CNTNAP4: variants seen among roughly 807,000 people sequenced by gnomAD.
CNTNAP4 encodes contactin associated protein family member 4, also known as contactin-associated protein-like 4.
CNTNAP4 carries 98 observed loss-of-function variants against 148.4 expected under a neutral mutation model. That is an observed-to-expected ratio of 0.66 (90% CI 0.56 to 0.78). The LOEUF (loss-of-function observed/expected upper bound fraction) is 0.78. Ranked by LOEUF, CNTNAP4 falls within the 30% of genes least tolerant of loss-of-function variation. The pLI is 0.00. For synonymous variants in CNTNAP4, 730 were observed against 565.1 expected, an observed-to-expected ratio of 1.29 and a Z score of -4.14; for missense variants, 1,935 against 1,565.6, an observed-to-expected ratio of 1.24 and a Z score of -3.98.
intron 1 of CNTNAP4, 54 bp downstream of exon 1, chr16:76,277,801 T>C (rs1307778381): frequency 9.2e-7 from 1 of 1,084,354 alleles, no homozygotes; most frequent in African/African-American, 1.6e-5. Flanking sequence ...TGCAAAACTT[T>C]GATTCTGTTG....
Position 76,495,064 on chromosome 16 carries a change from A to T in CNTNAP4, c.2235A>T (p.Glu745Asp). The change falls in exon 14 of 24, where the codon GAA becomes GAT. Residue 745 changes from glutamate (E) to aspartate (D), a missense_variant and splice_region_variant. Coordinates refer to ENST00000611870, the MANE Select transcript of CNTNAP4 (RefSeq NM_033401.5). ...GCAATTGTGATGCTGACCGGAATGAATGGTGATTTCCATATGATTTCTTTA... is the reference window on the plus strand; with the variant it reads ...GCAATTGTGATGCTGACCGGAATGATTGGTGATTTCCATATGATTTCTTTA... The part of the protein sequence containing the change: ...YYCNCDADRN[E>D]WTNDTGLLAY... 1 of 1,612,982 alleles carries T rather than the reference A, an allele frequency of 6.2e-7. No homozygotes were observed. The highest frequency in any genetic ancestry group is 8.5e-7 in the Non-Finnish European group (1 of 1,179,198).
chr16:76,342,412 G>T (rs1042661222), intron 2 of CNTNAP4, among the ~76,000 whole-genome samples: 2 of 147,990 alleles, frequency 1.4e-5, no homozygotes, highest in Admixed American at 6.7e-5. Context: ...TGTCTATTGA[G>T]TTTGGCTGAC....
At chr16:76,537,654 A>C (rs1229925598) in intron 18 of CNTNAP4, among the ~76,000 whole-genome samples, 1 of 152,144 alleles carries the variant, frequency 6.6e-6, no homozygotes, top group Non-Finnish European at 1.5e-5. Context: ...GACATAAAGG[A>C]AAATTTCTGC....
chr16:76,365,196 G>A (rs1037848434), intron 3 of CNTNAP4, among the ~76,000 whole-genome samples: 11 of 152,046 alleles, frequency 7.2e-5, no homozygotes, highest in East Asian at 5.8e-4. Flanking sequence ...GATGTGTGGC[G>A]TTATTTCTGA....
intron 2 of CNTNAP4, among the ~76,000 whole-genome samples, chr16:76,331,502 A>T (rs950162110): frequency 6.7e-6 from 1 of 148,388 alleles, no homozygotes. Context: ...TTTTCTTTCA[A>T]GTTTTTTTTT....
At chr16:76,448,549 C>T (rs1430096502) in intron 5 of CNTNAP4, among the ~76,000 whole-genome samples, 2 of 151,880 alleles carry the variant, frequency 1.3e-5, no homozygotes, top group Admixed American at 6.6e-5. Flanking sequence ...AGCGTGCAAT[C>T]AGTAATAATG....
At chr16:76,504,723 G>T (rs564818201) in intron 15 of CNTNAP4, among the ~76,000 whole-genome samples, 1 of 152,108 alleles carries the variant, frequency 6.6e-6, no homozygotes, top group East Asian at 1.9e-4. Context: ...GTTTTATAGA[G>T]GCTAATACCC....
intron 1 of CNTNAP4, among the ~76,000 whole-genome samples, chr16:76,280,999 A>G (rs1958665755): frequency 6.6e-6 from 1 of 152,082 alleles, no homozygotes; most frequent in Non-Finnish European, 1.5e-5. Flanking sequence ...AGAATAATTA[A>G]TGCTCCCCAA....
At chr16:76,335,407 C>T (rs997354050) in intron 2 of CNTNAP4, among the ~76,000 whole-genome samples, 5 of 152,116 alleles carry the variant, frequency 3.3e-5, no homozygotes, top group African/African-American at 1.2e-4. Flanking sequence ...GAACAAAGCT[C>T]ATTGTTCCCT....
At chr16:76,359,534 C>G (rs572436129) in intron 3 of CNTNAP4, among the ~76,000 whole-genome samples, 12 of 152,022 alleles carry the variant, frequency 7.9e-5, no homozygotes, top group Non-Finnish European at 2.9e-5. Context: ...CAAATAATCC[C>G]TAAGAGGAAA....
At chr16:76,374,518 G>A (rs1177590231) in intron 3 of CNTNAP4, among the ~76,000 whole-genome samples, 1 of 151,968 alleles carries the variant, frequency 6.6e-6, no homozygotes, top group Non-Finnish European at 1.5e-5. Flanking sequence ...AACTCTTTAT[G>A]TGAACAATGA....
intron 2 of CNTNAP4, among the ~76,000 whole-genome samples, chr16:76,346,819 C>A (rs1473428160): frequency 1.3e-5 from 2 of 152,210 alleles, no homozygotes; most frequent in East Asian, 3.9e-4. Flanking sequence ...ATCAAAATGC[C>A]TGCATAGATA....
chr16:76,490,761 G>A (rs561348134), intron 13 of CNTNAP4, among the ~76,000 whole-genome samples: 28 of 152,198 alleles, frequency 1.8e-4, no homozygotes, highest in African/African-American at 2.2e-4. Context: ...CTGGAATTGC[G>A]TATTCTGTGT....
chr16:76,444,610 C>T (rs938484504), intron 4 of CNTNAP4, among the ~76,000 whole-genome samples: 1 of 151,878 alleles, frequency 6.6e-6, no homozygotes, highest in African/African-American at 2.4e-5. Context: ...AACTTTATGC[C>T]ACATAACTCA....
chr16:76,428,467 T>G (rs2079494683), intron 4 of CNTNAP4, among the ~76,000 whole-genome samples: 1 of 152,104 alleles, frequency 6.6e-6, no homozygotes, highest in Non-Finnish European at 1.5e-5. Flanking sequence ...ACTAAAGCTT[T>G]TTTCATACAT....
intron 15 of CNTNAP4, among the ~76,000 whole-genome samples, chr16:76,514,860 T>C (rs2083185279): frequency 6.6e-6 from 1 of 152,202 alleles, no homozygotes; most frequent in Non-Finnish European, 1.5e-5. Context: ...TTAAAATCTA[T>C]ATTTTTCAGC....
chr16:76,530,262 A>G (rs889361067), intron 17 of CNTNAP4, among the ~76,000 whole-genome samples: 15 of 152,136 alleles, frequency 9.9e-5, no homozygotes. Context: ...ATGGGAAGAG[A>G]ATATCAAGCA....
chr16:76,407,635 A>C (rs551000444), intron 3 of CNTNAP4, among the ~76,000 whole-genome samples: 1 of 152,224 alleles, frequency 6.6e-6, no homozygotes, highest in East Asian at 1.9e-4. Context: ...GAATTGCTGC[A>C]ATCTTATAAT....
At chr16:76,383,905 ACTT>A (rs1205017060) in intron 3 of CNTNAP4, among the ~76,000 whole-genome samples, 1 of 152,148 alleles carries the variant, frequency 6.6e-6, no homozygotes, top group Non-Finnish European at 1.5e-5. Context: ...TGTTCTCTCT[ACTT>A]GGTTCTATGT....
Sources: gnomAD v4.1 joint callset for allele counts (sites outside exome capture counted in the v4.1 genomes callset) on GRCh38, gnomAD v4.1.1 for gene constraint, MANE v1.5 for transcripts, NCBI Gene and HGNC (gene_info 2026-07-23, HGNC 2026-07-21) for gene names.